PPFIA2: variants seen among roughly 807,000 people sequenced by gnomAD.
The protein encoded by PPFIA2 is PPFI scaffold protein A2.
Under a neutral mutation model 175.5 loss-of-function variants are expected in PPFIA2, and 46 were observed. That is an observed-to-expected ratio of 0.26 (90% CI 0.21 to 0.34). The LOEUF (loss-of-function observed/expected upper bound fraction) is 0.34, where lower values mean the gene tolerates loss of function less well. Among genes scored for constraint, PPFIA2 ranks in the 10% least tolerant of loss-of-function variants. The pLI, the probability that PPFIA2 is intolerant of heterozygous loss-of-function variation, is 1.00. For missense variants in PPFIA2, 1,179 were observed against 1,506.1 expected (o/e 0.78, Z 3.60); for synonymous variants, 568 against 511.4 (o/e 1.11, Z -1.49).
At chr12:81,602,751 C>G (rs140466280) in intron 4 of PPFIA2, among the ~76,000 whole-genome samples, 18 of 151,850 alleles carry the variant, frequency 1.2e-4, no homozygotes, top group African/African-American at 3.6e-4. Flanking sequence ...GAGAAACATA[C>G]ACTCTGAAAG....
At chr12:81,367,284 G>T in intron 13 of PPFIA2, 114 bp from the exon 14 acceptor site, 1 of 716,902 alleles carries the variant, frequency 1.4e-6, no homozygotes, top group Admixed American at 4.6e-5. Context: ...CCTTAGTTCA[G>T]GTATTTCTTG....
intron 18 of PPFIA2, 91 bp from the exon 19 acceptor site, chr12:81,344,784 C>A: frequency 1.2e-6 from 1 of 863,360 alleles, no homozygotes; most frequent in Non-Finnish European, 1.7e-6. Context: ...GTGTCTACAA[C>A]TTGACTATCA....
In PPFIA2 at chr12:81,665,929, C is replaced by T. The variant is rs999849053; in HGVS notation, c.303+10862G>A. Among the ~76,000 whole-genome samples, 15 of 152,058 alleles carry T rather than the reference C, an allele frequency of 9.9e-5. No individual in the cohort carries two copies. In the East Asian group the frequency reaches 2.9e-3, roughly 29 times the overall value. Reference sequence around the variant, plus strand: ...AAACAAATTTACAAGAAAAAAACAACCCCATCAACAAGTGGGCGAAGGATA... The same window carrying T: ...AAACAAATTTACAAGAAAAAAACAATCCCATCAACAAGTGGGCGAAGGATA... On this transcript the variant is annotated intron_variant, in intron 4 of 32. Transcript: ENST00000549396.
At chr12:81,679,560 A>T (rs2073211912) in intron 3 of PPFIA2, among the ~76,000 whole-genome samples, 1 of 151,954 alleles carries the variant, frequency 6.6e-6, no homozygotes, top group South Asian at 2.1e-4. Context: ...AGAAAGAAGA[A>T]TGTAGAAGAT....
intron 4 of PPFIA2, among the ~76,000 whole-genome samples, chr12:81,558,635 C>T (rs534484533): frequency 6.6e-6 from 1 of 152,218 alleles, no homozygotes; most frequent in Non-Finnish European, 1.5e-5. Flanking sequence ...AAGGAGTTAA[C>T]AGTCTCTCAA....
chr12:81,720,717 T>C (rs1297518951), intron 3 of PPFIA2, among the ~76,000 whole-genome samples: 1 of 151,382 alleles, frequency 6.6e-6, no homozygotes, highest in East Asian at 1.9e-4. Context: ...TTATCAATTG[T>C]CCCTTAGTTC....
chr12:81,462,747 T>C (rs977179799), intron 4 of PPFIA2, among the ~76,000 whole-genome samples: 1 of 151,512 alleles, frequency 6.6e-6, no homozygotes, highest in Admixed American at 6.6e-5. Flanking sequence ...AGCTCACTAT[T>C]ATGAAAGCAT....
In PPFIA2 at chr12:81,481,106, C is replaced by A. The variant is rs998196766; in HGVS notation, c.304-23240G>T. ...TTCCTATACACCAATAATAGAGAAA[C>A]AGAGAGCCAAATCATGAGTGAACTA... On this transcript the variant is annotated intron_variant, in intron 4 of 32. Transcript: ENST00000549396. Among the ~76,000 whole-genome samples the A allele has an allele frequency of 3.3e-5, 5 of 152,226 alleles. No individual in the cohort carries two copies. The East Asian group carries it at 9.7e-4, about 30-fold the overall frequency.
At chr12:81,475,460 T>C (rs2057353726) in intron 4 of PPFIA2, among the ~76,000 whole-genome samples, 1 of 152,248 alleles carries the variant, frequency 6.6e-6, no homozygotes, top group South Asian at 2.1e-4. Context: ...ATGTGTTTTA[T>C]AATTTTAAAA....
chr12:81,482,611 A>G (rs1004835984), intron 4 of PPFIA2, among the ~76,000 whole-genome samples: 1 of 152,152 alleles, frequency 6.6e-6, no homozygotes, highest in African/African-American at 2.4e-5. Flanking sequence ...GCTGGAAACC[A>G]TCATTCTCAG....
At chr12:81,656,950 T>C (rs2153540097) in intron 4 of PPFIA2, among the ~76,000 whole-genome samples, 1 of 152,288 alleles carries the variant, frequency 6.6e-6, no homozygotes, top group East Asian at 1.9e-4. Context: ...TTGTAAGTAA[T>C]AATTCTGCAG....
At chr12:81,635,077 A>T (rs1373912367) in intron 4 of PPFIA2, among the ~76,000 whole-genome samples, 2 of 152,210 alleles carry the variant, frequency 1.3e-5, no homozygotes, top group East Asian at 3.9e-4. Context: ...AATGGGAGCA[A>T]CGATGAAAGT....
chr12:81,630,899 A>ATATATATATGTATATATATATTT (rs1411924550), intron 4 of PPFIA2, among the ~76,000 whole-genome samples: 1 of 106,448 alleles, frequency 9.4e-6, no homozygotes, highest in African/African-American at 2.9e-5. Context: ...ATATATATAT[A>ATATATATATGTATATATATATTT]TTTTTTTTTT....
intron 4 of PPFIA2, among the ~76,000 whole-genome samples, chr12:81,526,848 G>A (rs2063789488): frequency 1.3e-5 from 2 of 152,176 alleles, no homozygotes; most frequent in Non-Finnish European, 2.9e-5. Context: ...ATTTTAATTG[G>A]TAGATACAGT....
At chr12:81,344,555 C>A (rs2140454812) in intron 19 of PPFIA2, 109 bp downstream of exon 19, 2 of 743,714 alleles carry the variant, frequency 2.7e-6, no homozygotes, top group South Asian at 2.5e-5. Context: ...TAAATACTCT[C>A]AACTTTTTAA....
At chr12:81,585,054 A>G (rs1334439249) in intron 4 of PPFIA2, among the ~76,000 whole-genome samples, 2 of 120,084 alleles carry the variant, frequency 1.7e-5, no homozygotes, top group African/African-American at 6.3e-5. Flanking sequence ...AATATATTAT[A>G]TAATTATATA....
At chr12:81,601,924 C>T (rs2059832814) in intron 4 of PPFIA2, among the ~76,000 whole-genome samples, 1 of 151,810 alleles carries the variant, frequency 6.6e-6, no homozygotes, top group Admixed American at 6.6e-5. Context: ...CTATTAAAAA[C>T]CTCAAGAGCT....
At chr12:81,460,886 C>T (rs115283345) in intron 4 of PPFIA2, among the ~76,000 whole-genome samples, 59 of 152,198 alleles carry the variant, frequency 3.9e-4, no homozygotes, top group African/African-American at 1.4e-3. Flanking sequence ...CAAAGTTACA[C>T]ACCTAGTCCA....
At chr12:81,651,302 C>T (rs1034126498) in intron 4 of PPFIA2, among the ~76,000 whole-genome samples, 7 of 152,200 alleles carry the variant, frequency 4.6e-5, no homozygotes, top group African/African-American at 1.7e-4. Context: ...AGAGCAGTAA[C>T]ATGGGTAAAA....
Sources: gnomAD v4.1 joint callset for allele counts (sites outside exome capture counted in the v4.1 genomes callset) on GRCh38, gnomAD v4.1.1 for gene constraint, MANE v1.5 for transcripts, NCBI Gene and HGNC (gene_info 2026-07-23, HGNC 2026-07-21) for gene names.